Variants in SESN1 observed in about 807,000 individuals in gnomAD.
SESN1 encodes the protein sestrin 1, also known as sestrin-1.
SESN1 carries 30 observed loss-of-function variants against 59.3 expected under a neutral mutation model. That is an observed-to-expected ratio of 0.51 (90% CI 0.38 to 0.69). The LOEUF is 0.69. Among genes scored for constraint, SESN1 ranks in the 30% least tolerant of loss-of-function variants. SESN1 has a pLI of 0.00. For synonymous variants in SESN1, 197 were observed against 219.9 expected (o/e 0.90, Z 0.92); for missense variants, 566 against 673.0 (o/e 0.84, Z 1.76).
intron 1 of SESN1, among the ~76,000 whole-genome samples, chr6:109,063,451 G>T (rs981597805): frequency 1.3e-5 from 2 of 152,226 alleles, no homozygotes; most frequent in South Asian, 4.1e-4. Flanking sequence ...GACCAGAGGG[G>T]ATAGAGATGA....
chr6:109,077,302 T>C (rs529500689), intron 1 of SESN1, among the ~76,000 whole-genome samples: 2 of 152,160 alleles, frequency 1.3e-5, no homozygotes, highest in African/African-American at 2.4e-5. Flanking sequence ...CAAAAAACTC[T>C]AGGAAAATAG....
intron 1 of SESN1, among the ~76,000 whole-genome samples, chr6:109,064,239 T>C (rs1324140014): frequency 6.6e-6 from 1 of 151,998 alleles, no homozygotes; most frequent in Non-Finnish European, 1.5e-5. Flanking sequence ...CAAACAGCTA[T>C]ACCCTTATGT....
intron 1 of SESN1, among the ~76,000 whole-genome samples, chr6:109,054,377 AT>A (rs1780594073): frequency 6.6e-6 from 1 of 152,158 alleles, no homozygotes; most frequent in Non-Finnish European, 1.5e-5. Flanking sequence ...GTGAAAAAAT[AT>A]TTTTATACTC....
chr6:109,014,052 A>C (rs1779898928), intron 1 of SESN1, among the ~76,000 whole-genome samples: 1 of 150,918 alleles, frequency 6.6e-6, no homozygotes, highest in African/African-American at 2.4e-5. Context: ...ATATCACTTT[A>C]AAGGAGCAAG....
chr6:109,078,048 T>C (rs923599536), intron 1 of SESN1, among the ~76,000 whole-genome samples: 1 of 152,204 alleles, frequency 6.6e-6, no homozygotes, highest in Non-Finnish European at 1.5e-5. Context: ...GTTTCCTGAC[T>C]TTTCCCTCTT....
intron 1 of SESN1, chr6:109,009,301 G>T: frequency 7.1e-7 from 1 of 1,412,272 alleles, no homozygotes; most frequent in Non-Finnish European, 9.3e-7. Flanking sequence ...AGGGCAGCTC[G>T]GCCGGGTGCC....
chr6:109,030,633 C>A (rs1171553353), intron 1 of SESN1, among the ~76,000 whole-genome samples: 1 of 152,098 alleles, frequency 6.6e-6, no homozygotes, highest in Non-Finnish European at 1.5e-5. Context: ...AAAAATAAGT[C>A]TGGAATCTTC....
At chr6:108,998,364 AT>A in intron 5 of SESN1, 148 bp downstream of exon 5, 2 of 841,138 alleles carry the variant, frequency 2.4e-6, no homozygotes, top group South Asian at 3.5e-5. Context: ...GAGGCAGTCA[AT>A]AAAACCCTAC....
At chr6:109,078,530 T>C (rs1176844199) in intron 1 of SESN1, among the ~76,000 whole-genome samples, 1 of 152,222 alleles carries the variant, frequency 6.6e-6, no homozygotes, top group Non-Finnish European at 1.5e-5. Flanking sequence ...TTTTAAGGTT[T>C]GGACTAATAT....
At chr6:109,022,216 C>T (rs925256672) in intron 1 of SESN1, among the ~76,000 whole-genome samples, 8 of 152,050 alleles carry the variant, frequency 5.3e-5, no homozygotes, top group Admixed American at 4.6e-4. Flanking sequence ...GCTACAAAGG[C>T]ATGTAATGCT....
Position 108,986,977 on chromosome 6 carries a change from G to A in SESN1, c.*567C>T, listed in dbSNP as rs1779215342. The A allele has an allele frequency of 6.6e-6, 1 of 152,616 alleles. No homozygotes were observed. Among genetic ancestry groups the A allele is most frequent in the South Asian group, 2.1e-4 (1 of 4,824 alleles). The allele number at this position is 152,616 out of a possible 1,614,324, so 9.5% of individuals were successfully genotyped here. A position where few individuals can be genotyped will look rare whatever the true frequency, so the allele number is the denominator to read the frequency against. ...GGTTGTTGCTGAGCTGTGTGAGTAG[G>A]AATTCTATGCTTTTTTAGATGCAAG... On this transcript the variant is annotated 3_prime_UTR_variant, in exon 10 of 10. Coordinates refer to ENST00000436639, the MANE Select transcript of SESN1 (RefSeq NM_014454.3).
At chr6:109,084,539 G>C (rs1371676382) in intron 1 of SESN1, among the ~76,000 whole-genome samples, 2 of 151,946 alleles carry the variant, frequency 1.3e-5, no homozygotes, top group African/African-American at 4.8e-5. Flanking sequence ...GGCAACAAGA[G>C]CAACAGTCGG....
chr6:109,000,519 G>A lies in SESN1; in HGVS notation c.701C>T (p.Pro234Leu). 6.2e-7 allele frequency: 1 copy of A among 1,600,462 alleles called. No individual in the cohort carries two copies. The highest frequency in any genetic ancestry group is 8.5e-7 in the Non-Finnish European group (1 of 1,173,082). ...GELNKVLAHR[P>L]WLITKEHIEG... ...AATGTGTTCTTTGGTAATAAGCCAA[G>A]GTCTATGGGCTAACACTTTGTTAAG... The change falls in exon 4 of 10, where the codon CCT becomes CTT. Residue 234 changes from proline to leucine, a missense_variant. Transcript: ENST00000436639.
At chr6:108,996,163 T>C (rs1452553114) in intron 5 of SESN1, among the ~76,000 whole-genome samples, 1 of 152,212 alleles carries the variant, frequency 6.6e-6, no homozygotes, top group Non-Finnish European at 1.5e-5. Context: ...ATAGTAGATA[T>C]TCAAGAAATA....
intron 1 of SESN1, among the ~76,000 whole-genome samples, chr6:109,089,161 T>C (rs1397443365): frequency 1.3e-5 from 2 of 152,140 alleles, no homozygotes; most frequent in Admixed American, 1.3e-4. Context: ...AGCTGACCTA[T>C]AGCAATTAAG....
At chr6:109,085,444 C>G (rs1048115674) in intron 1 of SESN1, among the ~76,000 whole-genome samples, 1 of 151,948 alleles carries the variant, frequency 6.6e-6, no homozygotes, top group Non-Finnish European at 1.5e-5. Flanking sequence ...GCGTGAACCC[C>G]GGAGGCGGAG....
rs746008896 is a variant in SESN1 at position 109,094,096 on chromosome 6, T to C, written c.-23A>G. On this transcript the variant is annotated 5_prime_UTR_variant, in exon 1 of 10. Transcript: ENST00000436639. ...CATGACAATAGTTTTTCCTTTGCGG[T>C]CTTCAGTTACCTTTCAGCATGCCCC... The C allele has an allele frequency of 1.3e-6, 2 of 1,595,770 alleles. No homozygotes were observed. The highest frequency in any genetic ancestry group is 1.7e-6 in the Non-Finnish European group (2 of 1,168,808).
intron 1 of SESN1, among the ~76,000 whole-genome samples, chr6:109,030,474 C>T (rs1400283659): frequency 6.6e-6 from 1 of 152,092 alleles, no homozygotes; most frequent in African/African-American, 2.4e-5. Flanking sequence ...AGATGAGGCA[C>T]CTGAACTTCT....
At position 108,998,659 on chromosome 6, in the gene SESN1, A is replaced by G. The variant is rs1377729830; in HGVS notation, c.826T>C (p.Phe276Leu). The change falls in exon 5 of 10, where the codon TTC becomes CTC. Residue 276 changes from phenylalanine (F) to leucine (L), a missense_variant. Coordinates refer to ENST00000436639, the MANE Select transcript of SESN1 (RefSeq NM_014454.3). ...ATTTCTGGACTGATTCCACAGCCGAATGTGAATGAGGCAAGAGAATGATAG... is the reference window on the plus strand; with the variant it reads ...ATTTCTGGACTGATTCCACAGCCGAGTGTGAATGAGGCAAGAGAATGATAG... ...THYHSLASFT[F>L]GCGISPEIHC... 1.9e-6 allele frequency: 3 copies of G among 1,613,868 alleles called. No individual in the cohort carries two copies. The highest frequency in any genetic ancestry group is 1.3e-5 in the African/African-American group (1 of 74,936).
Sources: allele counts gnomAD v4.1 joint callset (sites outside exome capture counted in the v4.1 genomes callset), GRCh38; gene constraint gnomAD v4.1.1; transcripts MANE v1.5; gene names NCBI Gene and HGNC (gene_info 2026-07-23, HGNC 2026-07-21).